The following ZNF800 variants were observed in gnomAD, a reference collection of about 807,000 sequenced individuals.
The protein encoded by ZNF800 is zinc finger protein 800.
ZNF800 carries 13 observed loss-of-function variants against 59.5 expected under a neutral mutation model. The observed-to-expected ratio is 0.22, with a 90% CI of 0.14 to 0.35. The LOEUF (loss-of-function observed/expected upper bound fraction) is 0.35, where lower values mean the gene tolerates loss of function less well. ZNF800 is among the 10% of genes least tolerant of loss of function. The probability of loss-of-function intolerance (pLI) is 1.00; values close to 1 mark genes in which losing one functional copy is unlikely to be tolerated. For missense variants in ZNF800, 621 were observed against 783.7 expected, an observed-to-expected ratio of 0.79 and a Z score of 2.48; for synonymous variants, 266 against 265.7, an observed-to-expected ratio of 1.00 and a Z score of -0.01.
intron 1 of ZNF800, chr7:127,349,857 G>T: frequency 6.6e-6 from 1 of 152,134 alleles, no homozygotes. Flanking sequence ...ATTTATTATT[G>T]GTGCTACAGT....
chr7:127,364,175 G>A (rs1800453989), intron 1 of ZNF800: 1 of 152,064 alleles, frequency 6.6e-6, no homozygotes, highest in East Asian at 1.9e-4. Flanking sequence ...AAATTTGTAA[G>A]CACTAATGGT....
At chr7:127,355,648 C>T (rs1800256542) in intron 1 of ZNF800, among the ~76,000 whole-genome samples, 1 of 151,900 alleles carries the variant, frequency 6.6e-6, no homozygotes, top group Non-Finnish European at 1.5e-5. Context: ...AGGATGGGAG[C>T]AGTAATCGTA....
downstream of ZNF800, among the ~76,000 whole-genome samples, chr7:127,367,509 T>A (rs1284483555): frequency 2.6e-5 from 4 of 152,126 alleles, no homozygotes; most frequent in African/African-American, 9.7e-5. Flanking sequence ...GTTGGTAGGA[T>A]TAGGGACATT....
chr7:127,368,724 A>C (rs1333873644), downstream of ZNF800, among the ~76,000 whole-genome samples: 1 of 152,126 alleles, frequency 6.6e-6, no homozygotes, highest in Non-Finnish European at 1.5e-5. Context: ...ACCTACAGGG[A>C]AACTCCTCTT....
chr7:127,364,480 C>T (rs150496413), intron 1 of ZNF800: 18 of 152,194 alleles, frequency 1.2e-4, no homozygotes, highest in Admixed American at 5.9e-4. Flanking sequence ...TAAACAATTA[C>T]AATGTGACAG....
chr7:127,358,207 G>A (rs941897846), intron 1 of ZNF800, among the ~76,000 whole-genome samples: 4 of 151,300 alleles, frequency 2.6e-5, no homozygotes, highest in Admixed American at 6.6e-5. Context: ...TCTTCCTCCC[G>A]TATTCTTTGC....
In ZNF800 at chr7:127,381,443, T is replaced by TAC. The variant is rs1681942377; in HGVS notation, c.158-4115_158-4114insGT. Reference sequence around the variant, plus strand: ...ATCACCTGTAAGGGCTGGTTAAATATATATATATGTTAATTATAGAGCACT... The same window carrying TAC: ...ATCACCTGTAAGGGCTGGTTAAATATACATATATATGTTAATTATAGAGCACT... On this transcript the variant is annotated intron_variant, in intron 3 of 5. Coordinates refer to ENST00000265827, the MANE Select transcript of ZNF800 (RefSeq NM_176814.5). Among the ~76,000 whole-genome samples the TAC allele has an allele frequency of 2.0e-5, 3 of 151,688 alleles. No homozygotes were observed. In the South Asian group the frequency reaches 6.3e-4, roughly 32 times the overall value.
At chr7:127,365,564 C>T (rs970690177), downstream of ZNF800, among the ~76,000 whole-genome samples, 8 of 152,152 alleles carry the variant, frequency 5.3e-5, no homozygotes, top group African/African-American at 1.7e-4. Context: ...CAAAACAAAA[C>T]AAAACTGTCC....
At chr7:127,344,705 G>A (rs142956686), downstream of ZNF800, among the ~76,000 whole-genome samples, 66 of 152,170 alleles carry the variant, frequency 4.3e-4, no homozygotes, top group African/African-American at 1.2e-3. Context: ...TTCAGAAACC[G>A]CTCCAAGTGT....
chr7:127,370,169 C>T lies in ZNF800; in HGVS notation c.*1645G>A, dbSNP rs1344621538. 6.6e-6 allele frequency: 1 copy of T among 151,964 alleles called. No individual in the cohort carries two copies. Among genetic ancestry groups the T allele is most frequent in the African/African-American group, 2.4e-5 (1 of 41,372 alleles). 9.4% of individuals were successfully genotyped at this position (151,964 alleles called of 1,614,324 possible). A position where few individuals can be genotyped will look rare whatever the true frequency, so the allele number is the denominator to read the frequency against. ...GTTATTAAAGTTAGATCTATAAGTACAAATTTTCAATATGTGGGAAAGTAA... is the reference window on the plus strand; with the variant it reads ...GTTATTAAAGTTAGATCTATAAGTATAAATTTTCAATATGTGGGAAAGTAA... On this transcript the variant is annotated 3_prime_UTR_variant, in exon 6 of 6. Coordinates refer to ENST00000265827, the MANE Select transcript of ZNF800 (RefSeq NM_176814.5).
chr7:127,374,349 A>C lies in ZNF800; in HGVS notation c.987T>G (p.Pro329=). ...TAGGAGAAATAGAATCCAGGAACAAAGGTTGCCCAGGCTTTGTTGCTATAT... is the reference window on the plus strand; with the variant it reads ...TAGGAGAAATAGAATCCAGGAACAACGGTTGCCCAGGCTTTGTTGCTATAT... ...TPDIATKPGQ[P]LFLDSISPKK... is the part of the protein sequence containing the mutation. The change falls in exon 5 of 6, where the codon CCT becomes CCG. Residue 329 remains proline (P), a synonymous_variant. Transcript: ENST00000265827. 1 of 1,613,786 alleles carries C rather than the reference A, an allele frequency of 6.2e-7. No homozygotes were observed. The highest frequency in any genetic ancestry group is 8.5e-7 in the Non-Finnish European group (1 of 1,179,928).
rs745547195 is a variant in ZNF800 at position 127,377,380 on chromosome 7, G to C, written c.158-51C>G. The stretch of plus-strand genomic sequence containing the variant: ...TTAACACAAAAGGTAACTTTAACAT[G>C]CACTTTTAAACTGGACAACCACTGT... On this transcript the variant is annotated intron_variant, in intron 3 of 5. Coordinates refer to ENST00000265827, the MANE Select transcript of ZNF800 (RefSeq NM_176814.5). This position sits in a 1 kb window ranked among gnomAD's most constrained non-coding sequence, Gnocchi z 4.7. The C allele has an allele frequency of 6.6e-7, 1 of 1,504,454 alleles. No homozygotes were observed. The highest frequency in any genetic ancestry group is 1.2e-5 in the South Asian group (1 of 81,924). 93.2% of individuals were successfully genotyped at this position (1,504,454 alleles called of 1,614,324 possible).
chr7:127,390,831 G>A (rs955960505), intron 2 of ZNF800, among the ~76,000 whole-genome samples: 7 of 152,138 alleles, frequency 4.6e-5, no homozygotes, highest in Non-Finnish European at 7.3e-5. Context: ...AAGTTTGCTA[G>A]TATTCTTCAT....
At chr7:127,360,320 G>A (rs914304430) in intron 1 of ZNF800, 1 of 152,058 alleles carries the variant, frequency 6.6e-6, no homozygotes, top group Non-Finnish European at 1.5e-5. Context: ...AACCACTAGT[G>A]TAATCAAAGG....
At chr7:127,381,768 C>T (rs4728068) in intron 3 of ZNF800, among the ~76,000 whole-genome samples, 97,390 of 151,794 alleles carry the variant, frequency 0.64, 31,641 homozygotes, top group East Asian at 0.86. Flanking sequence ...CCTATAACTG[C>T]TATATAACAA....
intron 3 of ZNF800, among the ~76,000 whole-genome samples, chr7:127,383,168 C>T (rs1046613353): frequency 3.3e-5 from 5 of 152,170 alleles, no homozygotes; most frequent in African/African-American, 1.2e-4. Context: ...AATGAGTCAA[C>T]TCCTTCATAA....
At position 127,377,610 on chromosome 7, in the gene ZNF800, C is replaced by A. The variant is rs565059362; in HGVS notation, c.158-281G>T. Among the ~76,000 whole-genome samples, 101 of 152,102 alleles carry A rather than the reference C, an allele frequency of 6.6e-4. No individual in the cohort carries two copies. Among genetic ancestry groups the A allele is most frequent in the Non-Finnish European group, 9.6e-4 (65 of 67,900 alleles). On this transcript the variant is annotated intron_variant, in intron 3 of 5. Coordinates refer to ENST00000265827, the MANE Select transcript of ZNF800 (RefSeq NM_176814.5). The surrounding 1 kb of genome is among the most constrained non-coding windows in gnomAD (Gnocchi z 4.7). ...ATATATCCCAAGGCAGTGGTTCCGA[C>A]ATGAGGTTAATCATTACAATGAGCT... is the stretch of plus-strand genomic sequence containing the variant.
intron 1 of ZNF800, chr7:127,359,655 T>G (rs1318758599): frequency 6.6e-6 from 1 of 152,094 alleles, no homozygotes; most frequent in Non-Finnish European, 1.5e-5. Flanking sequence ...ACAGATGACT[T>G]ACTTCCTCTA....
chr7:127,361,898 A>C (rs1187453096), intron 1 of ZNF800: 2 of 152,152 alleles, frequency 1.3e-5, no homozygotes, highest in Non-Finnish European at 2.9e-5. Context: ...ACAGAGTTTC[A>C]TTATTAAGCT....
Sources: allele counts gnomAD v4.1 joint callset (sites outside exome capture counted in the v4.1 genomes callset), GRCh38; gene constraint gnomAD v4.1.1; non-coding constraint Gnocchi (gnomAD v3.1); transcripts MANE v1.5; gene names NCBI Gene and HGNC (gene_info 2026-07-23, HGNC 2026-07-21).